The following PTPRT variants were observed in gnomAD, a reference collection of about 807,000 sequenced individuals.
PTPRT encodes receptor-type tyrosine-protein phosphatase T.
Under a neutral mutation model 176.8 loss-of-function variants are expected in PTPRT, and 56 were observed. The ratio of observed to expected loss-of-function variants is 0.32; its 90% CI spans 0.26 to 0.40. The LOEUF is 0.40. PTPRT is among the 10% of genes least tolerant of loss of function. The probability of loss-of-function intolerance (pLI) is 1.00; values close to 1 mark genes in which losing one functional copy is unlikely to be tolerated. For missense variants in PTPRT, 1,540 were observed against 1,908.2 expected, an observed-to-expected ratio of 0.81 and a Z score of 3.60; for synonymous variants, 783 against 739.0, an observed-to-expected ratio of 1.06 and a Z score of -0.96.
chr20:43,112,366 T>C (rs2012899786), intron 1 of PTPRT, among the ~76,000 whole-genome samples: 1 of 152,192 alleles, frequency 6.6e-6, no homozygotes, highest in South Asian at 2.1e-4. Flanking sequence ...TCTTTGCTTG[T>C]AAACAATGGC....
intron 9 of PTPRT, among the ~76,000 whole-genome samples, chr20:42,416,239 A>G (rs1185098680): frequency 6.6e-6 from 1 of 152,180 alleles, no homozygotes; most frequent in Non-Finnish European, 1.5e-5. Flanking sequence ...TGATGTGTCA[A>G]TGACACAAGG....
intron 15 of PTPRT, among the ~76,000 whole-genome samples, chr20:42,234,028 G>A (rs1008126928): frequency 2.0e-5 from 3 of 152,152 alleles, no homozygotes; most frequent in African/African-American, 4.8e-5. Context: ...TAGGCAAACT[G>A]GCTGATAGAG....
intron 7 of PTPRT, among the ~76,000 whole-genome samples, chr20:42,603,908 G>GGGCT (rs1555885696): frequency 1.3e-5 from 2 of 152,050 alleles, no homozygotes; most frequent in Non-Finnish European, 2.9e-5. Flanking sequence ...TCTCAACCTG[G>GGGCT]GGCTCCCTTA....
In PTPRT at chr20:42,659,036, T is replaced by C. The variant is rs148788594; in HGVS notation, c.1153+18830A>G. On this transcript the variant is annotated intron_variant, in intron 7 of 30. Transcript: ENST00000373187. ...CATGTGGTGGGGTTCATGGTTTCTTTTTACATCCTTTTTTAGTGTTTTTCT... is the reference window on the plus strand; with the variant it reads ...CATGTGGTGGGGTTCATGGTTTCTTCTTACATCCTTTTTTAGTGTTTTTCT... Among the ~76,000 whole-genome samples the C allele has an allele frequency of 1.6e-4, 24 of 152,274 alleles. No homozygotes were observed. In the East Asian group the frequency reaches 4.6e-3, roughly 29 times the overall value.
intron 1 of PTPRT, among the ~76,000 whole-genome samples, chr20:43,121,807 A>C (rs1346493503): frequency 6.6e-6 from 1 of 152,176 alleles, no homozygotes; most frequent in Non-Finnish European, 1.5e-5. Flanking sequence ...ATTTCCTTGA[A>C]TTTTTCAAAT....
chr20:42,550,062 G>A (rs2072740462), intron 7 of PTPRT, among the ~76,000 whole-genome samples: 1 of 152,090 alleles, frequency 6.6e-6, no homozygotes, highest in Admixed American at 6.6e-5. Context: ...AAAATCACGA[G>A]AGCCATTTAT....
At chr20:42,098,397 G>A (rs6072626) in intron 27 of PTPRT, 24 bp downstream of exon 27, 1 of 1,613,308 alleles carries the variant, frequency 6.2e-7, no homozygotes, top group Non-Finnish European at 8.5e-7. Flanking sequence ...GACCCACCTA[G>A]GGCTTGGCTT....
chr20:42,779,793 A>G lies in PTPRT; in HGVS notation c.568+425T>C, dbSNP rs149021018. On this transcript the variant is annotated intron_variant, in intron 4 of 30. Transcript: ENST00000373187. ...TTAAAAGAATTAATAACTTCAGGGTACTTTTCCCTGTGAGGGAACAGTGTG... is the reference window on the plus strand; with the variant it reads ...TTAAAAGAATTAATAACTTCAGGGTGCTTTTCCCTGTGAGGGAACAGTGTG... Among the ~76,000 whole-genome samples, 443 of 152,022 alleles carry G rather than the reference A, an allele frequency of 2.9e-3. 3 individuals carry two copies. Among genetic ancestry groups the G allele is most frequent in the African/African-American group, 0.01 (430 of 41,488 alleles).
intron 1 of PTPRT, among the ~76,000 whole-genome samples, chr20:43,181,125 CG>C (rs535266837): frequency 9.9e-5 from 15 of 152,126 alleles, no homozygotes; most frequent in Non-Finnish European, 1.9e-4. Context: ...TCATGAGAGA[CG>C]GAGGTCCTCA....
At position 42,583,864 on chromosome 20, in the gene PTPRT, T is replaced by C. The variant is rs185067428; in HGVS notation, c.1153+94002A>G. Reference sequence around the variant, plus strand: ...ATAAACTAGGCCCCTTTGACTCCTTTCTTTCTCTCTTACTCCATGTGGTAG... The same window carrying C: ...ATAAACTAGGCCCCTTTGACTCCTTCCTTTCTCTCTTACTCCATGTGGTAG... On this transcript the variant is annotated intron_variant, in intron 7 of 30. Coordinates refer to ENST00000373187, the MANE Select transcript of PTPRT (RefSeq NM_007050.6). 4.3e-3 allele frequency among the ~76,000 whole-genome samples: 656 copies of C among 152,312 alleles called. 6 individuals are homozygous for C. The highest frequency in any genetic ancestry group is 7.5e-3 in the Non-Finnish European group (513 of 68,028).
At chr20:42,350,228 T>TGTTTTG (rs745693310) in intron 11 of PTPRT, among the ~76,000 whole-genome samples, 3 of 118,070 alleles carry the variant, frequency 2.5e-5, no homozygotes, top group African/African-American at 1.0e-4. Flanking sequence ...TTTTTTTTTT[T>TGTTTTG]TTTTTTTTTT....
chr20:42,752,369 C>G (rs1212228554), intron 6 of PTPRT, among the ~76,000 whole-genome samples: 2 of 152,158 alleles, frequency 1.3e-5, no homozygotes, highest in African/African-American at 4.8e-5. Flanking sequence ...CATTCCTGTT[C>G]CCAGATGAGC....
chr20:42,325,673 C>T (rs2057871624), intron 11 of PTPRT, among the ~76,000 whole-genome samples: 1 of 152,058 alleles, frequency 6.6e-6, no homozygotes, highest in Admixed American at 6.6e-5. Context: ...CACTTTTGCC[C>T]CCAAAATTTA....
At chr20:42,091,814 G>A (rs556559332) in intron 27 of PTPRT, among the ~76,000 whole-genome samples, 1 of 152,256 alleles carries the variant, frequency 6.6e-6, no homozygotes, top group African/African-American at 2.4e-5. Context: ...AGGGGGGAGA[G>A]AGAGAGAGAT....
At chr20:43,060,798 A>C (rs1987423480) in intron 1 of PTPRT, among the ~76,000 whole-genome samples, 1 of 152,198 alleles carries the variant, frequency 6.6e-6, no homozygotes. Context: ...TCTACAATCA[A>C]TAAAATGTGC....
At chr20:42,682,477 T>C (rs1211886663) in intron 6 of PTPRT, among the ~76,000 whole-genome samples, 1 of 152,208 alleles carries the variant, frequency 6.6e-6, no homozygotes, top group African/African-American at 2.4e-5. Context: ...CAGTTTCTTA[T>C]CCATGAGGCT....
At chr20:42,550,356 G>A (rs1737199824) in intron 7 of PTPRT, among the ~76,000 whole-genome samples, 1 of 152,148 alleles carries the variant, frequency 6.6e-6, no homozygotes, top group Admixed American at 6.5e-5. Flanking sequence ...AAAGGGGAGA[G>A]AGGGAGAGAG....
intron 16 of PTPRT, among the ~76,000 whole-genome samples, chr20:42,198,003 C>T (rs907898459): frequency 1.3e-5 from 2 of 152,214 alleles, no homozygotes; most frequent in South Asian, 4.2e-4. Flanking sequence ...AATCCATATC[C>T]CTCAGTTGGG....
chr20:42,485,727 C>T (rs1419089361), intron 7 of PTPRT, among the ~76,000 whole-genome samples: 2 of 152,148 alleles, frequency 1.3e-5, no homozygotes, highest in African/African-American at 4.8e-5. Context: ...CATTAATCTA[C>T]AGACACTACT....
Sources: gnomAD v4.1 joint callset for allele counts (sites outside exome capture counted in the v4.1 genomes callset) on GRCh38, gnomAD v4.1.1 for gene constraint, MANE v1.5 for transcripts, NCBI Gene and HGNC (gene_info 2026-07-23, HGNC 2026-07-21) for gene names.